The following AKAP6 variants were observed in gnomAD, a reference collection of about 807,000 sequenced individuals.
AKAP6 encodes the protein A-kinase anchor protein 6.
In AKAP6, 58 loss-of-function variants were observed where a neutral mutation model predicts 188.5. That is an observed-to-expected ratio of 0.31 (90% confidence interval 0.25 to 0.38). AKAP6 has a LOEUF of 0.38. Among genes scored for constraint, AKAP6 ranks in the 10% least tolerant of loss-of-function variants. AKAP6 has a pLI of 1.00. For synonymous variants in AKAP6, 989 were observed against 998.6 expected, an observed-to-expected ratio of 0.99 and a Z score of 0.18; for missense variants, 2,710 against 2,740.0, an observed-to-expected ratio of 0.99 and a Z score of 0.24.
chr14:32,824,444 G>A lies in AKAP6; in HGVS notation c.6631G>A (p.Val2211Met), dbSNP rs1468896970. 2.5e-6 allele frequency: 4 copies of A among 1,613,850 alleles called. No individual in the cohort carries two copies. Among genetic ancestry groups the A allele is most frequent in the Non-Finnish European group, 3.4e-6 (4 of 1,179,960 alleles). Residue 2211 changes from valine (V) to methionine (M), a missense_variant, in exon 13 of 14, where the codon GTG becomes ATG. This residue lies in a region of AKAP6 where 2,473 missense variants were observed against 2,426.1 expected (regional missense o/e 1.02). Coordinates refer to ENST00000280979, the MANE Select transcript of AKAP6 (RefSeq NM_004274.5). ...SSLSADDADT[V>M]ALSSPSSQER... ...TCTTTCAGCTGATGATGCAGATACA[G>A]TGGCTCTTTCAAGTCCTTCCTCTCA...
chr14:32,735,332 A>G (rs1302957174), intron 10 of AKAP6, among the ~76,000 whole-genome samples: 1 of 152,162 alleles, frequency 6.6e-6, no homozygotes, highest in Non-Finnish European at 1.5e-5. Flanking sequence ...AAAAATTCAA[A>G]TGAATTTTTA....
At chr14:32,773,301 G>A (rs979766558) in intron 11 of AKAP6, among the ~76,000 whole-genome samples, 4 of 151,992 alleles carry the variant, frequency 2.6e-5, no homozygotes, top group Admixed American at 6.6e-5. Flanking sequence ...ATTTCTTTTC[G>A]GAGGATTTTT....
At chr14:32,783,861 A>C (rs1327105788) in intron 12 of AKAP6, among the ~76,000 whole-genome samples, 1 of 152,126 alleles carries the variant, frequency 6.6e-6, no homozygotes, top group Non-Finnish European at 1.5e-5. Flanking sequence ...CAACAACCTA[A>C]ACTGCCTCTC....
chr14:32,470,405 T>G (rs1878710341), intron 2 of AKAP6, among the ~76,000 whole-genome samples: 1 of 152,086 alleles, frequency 6.6e-6, no homozygotes. Flanking sequence ...CAAGTTTGAA[T>G]TTACAGTATC....
chr14:32,591,471 CAAAA>C (rs71432067), intron 5 of AKAP6, among the ~76,000 whole-genome samples: 7 of 128,466 alleles, frequency 5.4e-5, no homozygotes, highest in African/African-American at 8.6e-5. Context: ...TACTTTGCAC[CAAAA>C]AAAAAAAAAA....
chr14:32,465,137 T>A (rs141937344), intron 2 of AKAP6, among the ~76,000 whole-genome samples: 1 of 152,162 alleles, frequency 6.6e-6, no homozygotes, highest in East Asian at 1.9e-4. Flanking sequence ...ATAGGAAGAA[T>A]CAATATCATG....
At position 32,361,053 on chromosome 14, in the gene AKAP6, C is replaced by CATATATAT. The variant is rs201231103; in HGVS notation, c.-35+31648_-35+31649insTATATATA. On this transcript the variant is annotated intron_variant, in intron 1 of 13. Transcript: ENST00000280979. ...TGTGAGCCACTGCACAAGGCCTGAA[C>CATATATAT]ATACATATATATATATATTTGAGAA... Among the ~76,000 whole-genome samples the CATATATAT allele has an allele frequency of 3.5e-4, 39 of 111,918 alleles. 4 individuals carry two copies. Among genetic ancestry groups the CATATATAT allele is most frequent in the East Asian group, 1.4e-3 (4 of 2,808 alleles). 73.4% of individuals were successfully genotyped at this position (111,918 alleles called of 152,430 possible).
At chr14:32,613,252 A>G (rs1398654200) in intron 7 of AKAP6, among the ~76,000 whole-genome samples, 1 of 152,208 alleles carries the variant, frequency 6.6e-6, no homozygotes, top group Non-Finnish European at 1.5e-5. Context: ...TATATACTCA[A>G]GCTATCATTA....
intron 2 of AKAP6, among the ~76,000 whole-genome samples, chr14:32,465,364 C>T (rs1878347486): frequency 8.2e-6 from 1 of 122,352 alleles, no homozygotes; most frequent in Admixed American, 7.4e-5. Context: ...GTAACCAAAA[C>T]AGCGTGGTAC....
intron 2 of AKAP6, among the ~76,000 whole-genome samples, chr14:32,468,922 T>C (rs1157137270): frequency 6.6e-6 from 1 of 152,178 alleles, no homozygotes; most frequent in Non-Finnish European, 1.5e-5. Flanking sequence ...TAATAATATA[T>C]GAATAATAGG....
chr14:32,494,833 T>C (rs2138959913), intron 2 of AKAP6, among the ~76,000 whole-genome samples: 1 of 152,306 alleles, frequency 6.6e-6, no homozygotes, highest in South Asian at 2.1e-4. Flanking sequence ...TTTTTAAAGA[T>C]AGGTGTATAA....
At chr14:32,566,864 C>T (rs955925332) in intron 4 of AKAP6, among the ~76,000 whole-genome samples, 15 of 152,110 alleles carry the variant, frequency 9.9e-5, no homozygotes, top group African/African-American at 2.9e-4. Flanking sequence ...CTTGATTACA[C>T]AGCACCTAAG....
chr14:32,768,986 A>G (rs2032802959), intron 11 of AKAP6, among the ~76,000 whole-genome samples: 1 of 144,096 alleles, frequency 6.9e-6, no homozygotes, highest in South Asian at 2.3e-4. Flanking sequence ...ACAGCAAAAC[A>G]CATGGAAAAT....
chr14:32,784,284 T>G (rs9805888), intron 12 of AKAP6, among the ~76,000 whole-genome samples: 82,178 of 152,022 alleles, frequency 0.54, 23,162 homozygotes, highest in Non-Finnish European at 0.63. Flanking sequence ...TCACACATGC[T>G]TCACAGAAAC....
At chr14:32,652,394 T>A (rs981579229) in intron 7 of AKAP6, among the ~76,000 whole-genome samples, 2 of 152,162 alleles carry the variant, frequency 1.3e-5, no homozygotes, top group African/African-American at 2.4e-5. Flanking sequence ...CAGGCCTTTA[T>A]CTATTTATGT....
chr14:32,525,184 G>A (rs762105436), intron 2 of AKAP6, among the ~76,000 whole-genome samples: 3 of 152,144 alleles, frequency 2.0e-5, no homozygotes, highest in Non-Finnish European at 4.4e-5. Context: ...TGACTAAGCA[G>A]TAGCTTGCTT....
At chr14:32,710,182 C>T (rs572515570) in intron 9 of AKAP6, among the ~76,000 whole-genome samples, 175 of 121,238 alleles carry the variant, frequency 1.4e-3, no homozygotes, top group African/African-American at 5.2e-3. Flanking sequence ...AAGAACATGA[C>T]ATAAAAAATG....
chr14:32,358,725 G>A (rs1957655), intron 1 of AKAP6, among the ~76,000 whole-genome samples: 18,147 of 151,986 alleles, frequency 0.12, 1,412 homozygotes, highest in African/African-American at 0.22. Flanking sequence ...TTTCCTCAGG[G>A]GATAGTGAGA....
chr14:32,732,535 G>A lies in AKAP6; in HGVS notation c.3082G>A (p.Val1028Ile), dbSNP rs141386857. 2.4e-5 allele frequency: 39 copies of A among 1,613,518 alleles called. No individual in the cohort carries two copies. Among genetic ancestry groups the A allele is most frequent in the African/African-American group, 1.2e-4 (9 of 74,992 alleles). Residue 1028 changes from valine (V) to isoleucine (I), a missense_variant, in exon 10 of 14, where the codon GTT becomes ATT. Val to Ile is a conservative substitution (Grantham distance 29). Transcript: ENST00000280979. ...SKVEALKKGG[V>I]LLPNDLLEKV... ...GGTTGAAGCTTTGAAGAAAGGTGGC[G>A]TTTTACTACCAAATGATCTCCTTGA...
Sources: allele counts gnomAD v4.1 joint callset (sites outside exome capture counted in the v4.1 genomes callset), GRCh38; gene constraint gnomAD v4.1.1; regional missense constraint gnomAD v4.1.1; transcripts MANE v1.5; gene names NCBI Gene and HGNC (gene_info 2026-07-23, HGNC 2026-07-21).